The following SCN11A variants were observed in gnomAD, a reference collection of about 807,000 sequenced individuals.
SCN11A encodes sodium channel protein type 11 subunit alpha.
A neutral mutation model predicts 162.2 loss-of-function variants in SCN11A; 122 were observed. The observed-to-expected ratio is 0.75, with a 90% CI of 0.65 to 0.87. SCN11A has a LOEUF of 0.87. Ranked by LOEUF, SCN11A falls within the 40% of genes least tolerant of loss-of-function variation. The probability of loss-of-function intolerance (pLI) is 0.00; values close to 1 mark genes in which losing one functional copy is unlikely to be tolerated. For missense variants in SCN11A, 2,015 were observed against 2,181.6 expected (o/e 0.92, Z 1.52); for synonymous variants, 758 against 751.5 (o/e 1.01, Z -0.14).
chr3:38,874,826 CT>C (rs543882594), intron 23 of SCN11A, among the ~76,000 whole-genome samples: 82 of 152,168 alleles, frequency 5.4e-4, no homozygotes, highest in African/African-American at 1.9e-3. Flanking sequence ...CTCCCAGGTT[CT>C]AGTTGGTTTG....
At chr3:39,033,801 C>T (rs2031827038) in intron 1 of SCN11A, among the ~76,000 whole-genome samples, 1 of 152,106 alleles carries the variant, frequency 6.6e-6, no homozygotes, top group East Asian at 1.9e-4. Context: ...TTGTTATTGC[C>T]TAAACAATAT....
intron 9 of SCN11A, among the ~76,000 whole-genome samples, chr3:38,923,910 C>A (rs2066093546): frequency 6.6e-6 from 1 of 152,160 alleles, no homozygotes; most frequent in Non-Finnish European, 1.5e-5. Flanking sequence ...TGCAGTGCAG[C>A]TGTCGGAGTC....
chr3:38,850,637 G>C lies in SCN11A; in HGVS notation c.4171C>G (p.Pro1391Ala), dbSNP rs751361482. ...ISMMAESYNQPKAMKSILDHL... is the reference protein window; with the variant it reads ...ISMMAESYNQAKAMKSILDHL... ...TCAAGGATGGATTTCATGGCTTTGG[G>C]TTGGTTGTATGATTCAGCCATCATG... is the stretch of plus-strand genomic sequence containing the variant. The change falls in exon 29 of 30, where the codon CCC (proline) becomes GCC (alanine). Residue 1391 changes from proline to alanine, a missense_variant. Pro to Ala is a conservative substitution (Grantham distance 27, BLOSUM62 -1). Transcript: ENST00000302328. The C allele has an allele frequency of 6.2e-7, 1 of 1,613,932 alleles. No individual in the cohort carries two copies. Among genetic ancestry groups the C allele is most frequent in the Non-Finnish European group, 8.5e-7 (1 of 1,179,884 alleles).
intron 2 of SCN11A, among the ~76,000 whole-genome samples, chr3:38,970,505 A>T (rs954099643): frequency 5.9e-5 from 9 of 152,238 alleles, no homozygotes; most frequent in Non-Finnish European, 1.2e-4. Flanking sequence ...ATTTAATCTT[A>T]GAAATTAAAA....
intron 1 of SCN11A, among the ~76,000 whole-genome samples, chr3:39,033,048 G>A (rs2031803567): frequency 6.6e-6 from 1 of 152,106 alleles, no homozygotes; most frequent in Non-Finnish European, 1.5e-5. Flanking sequence ...AGCTACTGGG[G>A]AGGCTGAGGC....
At chr3:39,049,059 A>C (rs1457863693) in intron 1 of SCN11A, among the ~76,000 whole-genome samples, 1 of 152,272 alleles carries the variant, frequency 6.6e-6, no homozygotes, top group Non-Finnish European at 1.5e-5. Flanking sequence ...CAGATTTGTA[A>C]GTAAAGTAAG....
chr3:38,964,681 T>C (rs2066770567), intron 2 of SCN11A, among the ~76,000 whole-genome samples: 1 of 152,158 alleles, frequency 6.6e-6, no homozygotes, highest in African/African-American at 2.4e-5. Flanking sequence ...GCACACAGGC[T>C]TGGAGGTACA....
intron 28 of SCN11A, among the ~76,000 whole-genome samples, chr3:38,854,054 A>G (rs2064827982): frequency 6.6e-6 from 1 of 152,140 alleles, no homozygotes; most frequent in Admixed American, 6.5e-5. Context: ...TGTACAGCCC[A>G]TGAGCTCAGA....
rs1231504121 is a variant in SCN11A, at chr3:38,863,123, C to A, written c.4056+72G>T. 8 of 867,442 alleles carry A rather than the reference C, an allele frequency of 9.2e-6. No individual in the cohort carries two copies. In the Admixed American group the frequency reaches 1.5e-4, roughly 16 times the overall value. 53.7% of individuals were successfully genotyped at this position (867,442 alleles called of 1,614,324 possible). A position where few individuals can be genotyped will look rare whatever the true frequency, so the allele number is the denominator to read the frequency against. The stretch of plus-strand genomic sequence containing the variant: ...AAATTTTAAGAATAAAGAAGGATGG[C>A]ATTACGGAAATTTGAGTTCCTCACA... On this transcript the variant is annotated intron_variant, in intron 28 of 29. Coordinates refer to ENST00000302328, the MANE Select transcript of SCN11A (RefSeq NM_001349253.2).
intron 16 of SCN11A, among the ~76,000 whole-genome samples, chr3:38,903,628 C>T (rs901147073): frequency 3.3e-5 from 5 of 152,084 alleles, no homozygotes; most frequent in African/African-American, 1.2e-4. Flanking sequence ...ATCTGGCTTA[C>T]CACTGAATGG....
At chr3:38,865,707 G>A (rs2065029022) in intron 27 of SCN11A, among the ~76,000 whole-genome samples, 1 of 152,024 alleles carries the variant, frequency 6.6e-6, no homozygotes. Flanking sequence ...TAAGATGCAT[G>A]TCACAAATTG....
At chr3:38,962,048 G>A (rs1451431681) in intron 2 of SCN11A, among the ~76,000 whole-genome samples, 1 of 152,172 alleles carries the variant, frequency 6.6e-6, no homozygotes, top group Non-Finnish European at 1.5e-5. Context: ...TTTGCATAAG[G>A]CAAGAGATGA....
At chr3:38,883,155 C>T in intron 22 of SCN11A, 78 bp downstream of exon 22, 2 of 1,324,370 alleles carry the variant, frequency 1.5e-6, no homozygotes, top group South Asian at 1.4e-5. Flanking sequence ...ATTCACAGTC[C>T]CACGAGAAGC....
intron 11 of SCN11A, among the ~76,000 whole-genome samples, chr3:38,911,291 T>G (rs986168301): frequency 1.3e-5 from 2 of 152,222 alleles, no homozygotes; most frequent in African/African-American, 2.4e-5. Flanking sequence ...ATTGGTAGTT[T>G]GGCCAGAAAT....
chr3:38,983,917 T>C (rs1204552210), intron 2 of SCN11A, among the ~76,000 whole-genome samples: 1 of 152,228 alleles, frequency 6.6e-6, no homozygotes, highest in Non-Finnish European at 1.5e-5. Context: ...CTTTTAAAAA[T>C]GTTCAATTTC....
At chr3:38,948,779 C>T (rs967335967) in intron 5 of SCN11A, among the ~76,000 whole-genome samples, 5 of 151,918 alleles carry the variant, frequency 3.3e-5, no homozygotes, top group African/African-American at 1.2e-4. Context: ...TCCTGTTCTC[C>T]CGGACTGTCA....
chr3:38,968,485 C>T (rs1346847294), intron 2 of SCN11A, among the ~76,000 whole-genome samples: 3 of 152,236 alleles, frequency 2.0e-5, no homozygotes, highest in African/African-American at 7.2e-5. Context: ...TATGCCAAAA[C>T]TTCCCTTCAT....
chr3:38,974,818 T>C (rs1178428349), intron 2 of SCN11A, among the ~76,000 whole-genome samples: 2 of 150,652 alleles, frequency 1.3e-5, no homozygotes, highest in Non-Finnish European at 3.0e-5. Context: ...ATTATAACAA[T>C]GGAGAAATTT....
Position 38,950,078 on chromosome 3 carries a change from C to CCCCCCCCCCCCCCCCCCCCCCG in SCN11A, c.267+17_267+18insCGGGGGGGGGGGGGGGGGGGGG, listed in dbSNP as rs1553644472. On this transcript the variant is annotated intron_variant, in intron 5 of 29. Transcript: ENST00000302328. ...GAACACCCCCACCCCCACCCCCCCC[C>CCCCCCCCCCCCCCCCCCCCCCG]CCCGCCCAATGAAGTACCTTATGAT... is the stretch of plus-strand genomic sequence containing the variant. 1.4e-5 allele frequency: 2 copies of CCCCCCCCCCCCCCCCCCCCCCG among 139,974 alleles called. No individual in the cohort carries two copies. The highest frequency in any genetic ancestry group is 1.3e-4 in the South Asian group (1 of 7,650). The allele number at this position is 139,974 out of a possible 1,614,324, so 8.7% of individuals were successfully genotyped here.
Sources: allele counts gnomAD v4.1 joint callset (sites outside exome capture counted in the v4.1 genomes callset), GRCh38; gene constraint gnomAD v4.1.1; transcripts MANE v1.5; gene names NCBI Gene and HGNC (gene_info 2026-07-23, HGNC 2026-07-21).